Variants in RNF157 observed in about 807,000 individuals in gnomAD.
RNF157 encodes the protein ring finger protein 157.
Under a neutral mutation model 88.3 loss-of-function variants are expected in RNF157, and 55 were observed. The observed-to-expected ratio is 0.62, with a 90% CI of 0.50 to 0.78. The LOEUF (loss-of-function observed/expected upper bound fraction) is 0.78. RNF157 is among the 30% of genes least tolerant of loss of function. The pLI, the probability that RNF157 is intolerant of heterozygous loss-of-function variation, is 0.00. For missense variants in RNF157, 788 were observed against 860.8 expected (o/e 0.92, Z 1.06); for synonymous variants, 334 against 341.2 (o/e 0.98, Z 0.23).
chr17:76,190,780 G>A (rs985639214), intron 2 of RNF157, among the ~76,000 whole-genome samples: 9 of 150,964 alleles, frequency 6.0e-5, no homozygotes, highest in East Asian at 2.0e-4. Context: ...GGTGGCAGGC[G>A]CCCTGTAGTC....
In RNF157 at chr17:76,166,991, T is replaced by TTTG; in HGVS notation, c.561+17_561+18insCAA. ...CCTTCTGAGTGGATGTGGGAAACCC[T>TTTG]CCCCAGAGGCAGCTCACCTCCTCTT... On this transcript the variant is annotated intron_variant, in intron 5 of 18. Coordinates refer to ENST00000269391, the MANE Select transcript of RNF157 (RefSeq NM_052916.3). 6.4e-7 allele frequency: 1 copy of TTTG among 1,573,674 alleles called. No individual in the cohort carries two copies. The highest frequency in any genetic ancestry group is 8.6e-7 in the Non-Finnish European group (1 of 1,157,820).
At chr17:76,205,134 T>C (rs1173531761) in intron 2 of RNF157, among the ~76,000 whole-genome samples, 1 of 151,128 alleles carries the variant, frequency 6.6e-6, no homozygotes, top group Admixed American at 6.6e-5. Flanking sequence ...TTTTCTTTTC[T>C]TTTTTTCTTT....
intron 1 of RNF157, among the ~76,000 whole-genome samples, chr17:76,217,466 A>G (rs925739620): frequency 2.0e-5 from 3 of 152,210 alleles, no homozygotes; most frequent in African/African-American, 7.2e-5. Context: ...GACTGAATAA[A>G]GCTTTCTACT....
chr17:76,147,144 T>C (rs1488125368), intron 18 of RNF157: 2 of 984,990 alleles, frequency 2.0e-6, no homozygotes, highest in African/African-American at 3.5e-5. Context: ...TCACCTCTAA[T>C]GGTGGCACTA....
At chr17:76,183,215 G>A (rs1178487605) in intron 2 of RNF157, among the ~76,000 whole-genome samples, 211 of 149,070 alleles carry the variant, frequency 1.4e-3, no homozygotes, top group Non-Finnish European at 1.4e-3. Flanking sequence ...GGGATTCCAG[G>A]TGTGAGCCAC....
rs2068783653 is a variant in RNF157, at chr17:76,157,396, T to C, written c.1413+997A>G. ...TGAAGCACTCACTGTGCCCCTGGCT[T>C]GCTCCGAGCCCCGACTTCCTGCTCT... On this transcript the variant is annotated intron_variant, in intron 13 of 18. Transcript: ENST00000269391. The surrounding 1 kb of genome is among the most constrained non-coding windows in gnomAD (Gnocchi z 5.6). Among the ~76,000 whole-genome samples, 1 of 152,232 alleles carries C rather than the reference T, an allele frequency of 6.6e-6. No individual in the cohort carries two copies. The highest frequency in any genetic ancestry group is 6.5e-5 in the Admixed American group (1 of 15,280).
intron 2 of RNF157, among the ~76,000 whole-genome samples, chr17:76,186,092 A>G (rs1013126178): frequency 1.3e-5 from 2 of 152,162 alleles, no homozygotes; most frequent in Non-Finnish European, 2.9e-5. Flanking sequence ...TAAGGGCAAG[A>G]GGACCAAAAT....
intron 17 of RNF157, chr17:76,153,041 A>G (rs2068705586): frequency 6.6e-6 from 1 of 152,320 alleles, no homozygotes; most frequent in African/African-American, 2.4e-5. Flanking sequence ...TTAAGTGGCT[A>G]ACCAGAAATC....
chr17:76,155,127 G>A lies in RNF157; in HGVS notation c.1764+125C>T, dbSNP rs896995555. 4 of 779,420 alleles carry A rather than the reference G, an allele frequency of 5.1e-6. No homozygotes were observed. In the Admixed American group the frequency reaches 5.9e-5, roughly 12 times the overall value. 48.3% of individuals were successfully genotyped at this position (779,420 alleles called of 1,614,324 possible). A position where few individuals can be genotyped will look rare whatever the true frequency, so the allele number is the denominator to read the frequency against. On this transcript the variant is annotated intron_variant, in intron 16 of 18. Transcript: ENST00000269391. Reference sequence around the variant, plus strand: ...CACATTCCACTTCTCACTGATCTAGGCATGTCCCCTAGGAAGGCTTCGTCA... The same window carrying A: ...CACATTCCACTTCTCACTGATCTAGACATGTCCCCTAGGAAGGCTTCGTCA...
At position 76,142,483 on chromosome 17, in the gene RNF157, A is replaced by G. The variant is rs1349171318; in HGVS notation, c.*2752T>C. The G allele has an allele frequency of 1.3e-5, 2 of 152,254 alleles. No homozygotes were observed. The highest frequency in any genetic ancestry group is 3.8e-4 in the East Asian group (2 of 5,200). 9.4% of individuals were successfully genotyped at this position (152,254 alleles called of 1,614,324 possible). ...TTGCAGTTAGCTCTCCTTCCCTTGT[A>G]AACAGTTTTATTCATTTTTAAGAAT... On this transcript the variant is annotated 3_prime_UTR_variant, in exon 19 of 19. Transcript: ENST00000269391.
At chr17:76,214,654 C>T (rs1291536968) in intron 1 of RNF157, among the ~76,000 whole-genome samples, 2 of 152,198 alleles carry the variant, frequency 1.3e-5, no homozygotes, top group Non-Finnish European at 2.9e-5. Flanking sequence ...ACCCTCTCCA[C>T]CTCAAATTCA....
At chr17:76,205,458 C>T (rs1043414353) in intron 2 of RNF157, among the ~76,000 whole-genome samples, 2 of 151,994 alleles carry the variant, frequency 1.3e-5, no homozygotes, top group African/African-American at 2.4e-5. Flanking sequence ...ATAATGCCAG[C>T]GGCTGAGCGC....
At chr17:76,158,636 C>G in intron 12 of RNF157, 135 bp from the exon 13 acceptor site, 1 of 636,378 alleles carries the variant, frequency 1.6e-6, no homozygotes, top group Admixed American at 2.2e-5. Context: ...CATTATGTTT[C>G]CCAGGCTGGG....
In RNF157 at chr17:76,169,568, G is replaced by A. The variant is rs553947150; in HGVS notation, c.297-1771C>T. Among the ~76,000 whole-genome samples the A allele has an allele frequency of 6.0e-5, 9 of 150,132 alleles. No homozygotes were observed. The East Asian group carries it at 1.7e-3, about 29-fold the overall frequency. On this transcript the variant is annotated intron_variant, in intron 3 of 18. Transcript: ENST00000269391. Reference sequence around the variant, plus strand: ...ATTAGAGGTGTGAGCCACCACACCCGGCCTAGTTAGGTTTTTTTTTTTTTT... The same window carrying A: ...ATTAGAGGTGTGAGCCACCACACCCAGCCTAGTTAGGTTTTTTTTTTTTTT...
At chr17:76,190,168 C>T (rs200240307) in intron 2 of RNF157, among the ~76,000 whole-genome samples, 21 of 118,428 alleles carry the variant, frequency 1.8e-4, no homozygotes, top group Non-Finnish European at 1.6e-4. Context: ...TGCTTGCTCT[C>T]TCTTTTTTTT....
chr17:76,188,261 C>T lies in RNF157; in HGVS notation c.208-14471G>A, dbSNP rs572209967. Among the ~76,000 whole-genome samples the T allele has an allele frequency of 5.3e-5, 8 of 152,240 alleles. No homozygotes were observed. In the South Asian group the frequency reaches 1.2e-3, roughly 24 times the overall value. Reference sequence around the variant, plus strand: ...TTGTACTGCATCCCACGGCCTCCTACCTGGGATCACTCCACTGCCCCATGT... The same window carrying T: ...TTGTACTGCATCCCACGGCCTCCTATCTGGGATCACTCCACTGCCCCATGT... On this transcript the variant is annotated intron_variant, in intron 2 of 18. Transcript: ENST00000269391.
chr17:76,238,908 G>C (rs899123352), intron 1 of RNF157, among the ~76,000 whole-genome samples: 4 of 152,150 alleles, frequency 2.6e-5, no homozygotes, highest in African/African-American at 9.7e-5. Context: ...TCTTTGCAAG[G>C]ATTCATTCTT....
At chr17:76,220,416 A>C (rs2145047145) in intron 1 of RNF157, among the ~76,000 whole-genome samples, 1 of 151,542 alleles carries the variant, frequency 6.6e-6, no homozygotes, top group South Asian at 2.1e-4. Context: ...GTTACCTTTG[A>C]AGGATGCTAG....
rs76027598 is a variant in RNF157, at chr17:76,176,323, T to G, written c.208-2533A>C. Among the ~76,000 whole-genome samples the G allele has an allele frequency of 0.012, 1,787 of 151,706 alleles. 29 individuals carry two copies. Among genetic ancestry groups the G allele is most frequent in the African/African-American group, 0.041 (1,684 of 41,300 alleles). The stretch of plus-strand genomic sequence containing the variant: ...GTAATCTGAAGGCTTCATGGAGGAG[T>G]TGGTAGTTGATCTGGGATCCTAAAG... On this transcript the variant is annotated intron_variant, in intron 2 of 18. Coordinates refer to ENST00000269391, the MANE Select transcript of RNF157 (RefSeq NM_052916.3). The surrounding 1 kb of genome is among the most constrained non-coding windows in gnomAD (Gnocchi z 4.2).
Sources: gnomAD v4.1 joint callset for allele counts (sites outside exome capture counted in the v4.1 genomes callset) on GRCh38, gnomAD v4.1.1 for gene constraint, Gnocchi (gnomAD v3.1) non-coding constraint, MANE v1.5 for transcripts, NCBI Gene and HGNC (gene_info 2026-07-23, HGNC 2026-07-21) for gene names.